RNLS: variants seen among roughly 807,000 people sequenced by gnomAD.
RNLS encodes renalase.
In RNLS, 39 loss-of-function variants were observed where a neutral mutation model predicts 39.8. The observed-to-expected ratio is 0.98, with a 90% CI of 0.76 to 1.28. RNLS has a LOEUF of 1.28. Among genes scored for constraint, RNLS ranks in the 50% most tolerant of loss-of-function variants. RNLS has a pLI of 0.00. For missense variants in RNLS, 410 were observed against 413.3 expected (o/e 0.99, Z 0.07); for synonymous variants, 147 against 150.7 (o/e 0.98, Z 0.18).
chr10:88,219,320 C>G, the RNLS span, among the ~76,000 whole-genome samples: 2 of 152,144 alleles, frequency 1.3e-5, no homozygotes, highest in Non-Finnish European at 2.9e-5. Flanking sequence ...GGTCAACATG[C>G]CCTTCCTACC....
the RNLS span, among the ~76,000 whole-genome samples, chr10:88,183,040 A>C: frequency 3.3e-5 from 5 of 152,272 alleles, no homozygotes; most frequent in East Asian, 9.6e-4. Flanking sequence ...TTCATCTTGC[A>C]AAGTATGCAT....
the RNLS span, among the ~76,000 whole-genome samples, chr10:88,255,578 G>C: frequency 6.6e-6 from 1 of 152,216 alleles, no homozygotes; most frequent in Non-Finnish European, 1.5e-5. Flanking sequence ...GAGGCTGTGA[G>C]CATTTGTACT....
chr10:88,349,465 T>A (rs981013326), intron 5 of RNLS, among the ~76,000 whole-genome samples: 1 of 152,102 alleles, frequency 6.6e-6, no homozygotes, highest in African/African-American at 2.4e-5. Context: ...AAAAGTCCCC[T>A]CCCCTTTATT....
At chr10:88,582,976 G>T in intron 1 of RNLS, 97 bp downstream of exon 1, 1 of 1,395,794 alleles carries the variant, frequency 7.2e-7, no homozygotes, top group Non-Finnish European at 9.7e-7. Flanking sequence ...AGGGTATAGC[G>T]TTTTCGCCTT....
At chr10:88,234,620 A>G in the RNLS span, among the ~76,000 whole-genome samples, 2 of 152,104 alleles carry the variant, frequency 1.3e-5, no homozygotes, top group African/African-American at 4.8e-5. Flanking sequence ...AACTCAACAC[A>G]TTTTTATTGA....
intron 4 of RNLS, among the ~76,000 whole-genome samples, chr10:88,498,987 T>C (rs2576170): frequency 0.28 from 42,734 of 152,044 alleles, 7,280 homozygotes; most frequent in East Asian, 0.46. Flanking sequence ...AAAGACATTT[T>C]GAGAGAAGTG....
At chr10:88,271,654 T>G (rs1306774481), downstream of RNLS, among the ~76,000 whole-genome samples, 2 of 152,226 alleles carry the variant, frequency 1.3e-5, no homozygotes, top group African/African-American at 4.8e-5. Context: ...TTGTCTTATG[T>G]GGGTTTGTTC....
the RNLS span, among the ~76,000 whole-genome samples, chr10:88,182,763 T>C: frequency 1.3e-5 from 2 of 152,144 alleles, no homozygotes; most frequent in African/African-American, 4.8e-5. Flanking sequence ...CAGAAACTTG[T>C]TCTTGACAAG....
chr10:88,496,709 G>T (rs756053127), intron 4 of RNLS, among the ~76,000 whole-genome samples: 1 of 152,078 alleles, frequency 6.6e-6, no homozygotes, highest in Non-Finnish European at 1.5e-5. Context: ...AGAGGAGAAG[G>T]GTTAAAGCTG....
chr10:88,337,843 G>A (rs1478911069), intron 5 of RNLS, among the ~76,000 whole-genome samples: 2 of 151,992 alleles, frequency 1.3e-5, no homozygotes, highest in Non-Finnish European at 2.9e-5. Context: ...CTTTAGTACT[G>A]TGTCTGGCAT....
At chr10:88,198,338 C>T in the RNLS span, among the ~76,000 whole-genome samples, 3 of 152,284 alleles carry the variant, frequency 2.0e-5, no homozygotes, top group Admixed American at 1.3e-4. Context: ...TTCTTTTGAT[C>T]AGGGTAGACC....
intron 4 of RNLS, among the ~76,000 whole-genome samples, chr10:88,506,477 G>A (rs1470785339): frequency 6.6e-6 from 1 of 151,742 alleles, no homozygotes; most frequent in Non-Finnish European, 1.5e-5. Flanking sequence ...GGAATAAAAT[G>A]TCTTAATATC....
At chr10:88,476,999 C>T (rs753653713) in intron 4 of RNLS, among the ~76,000 whole-genome samples, 1 of 144,824 alleles carries the variant, frequency 6.9e-6, no homozygotes, top group South Asian at 2.4e-4. Context: ...AGTAAGAAAG[C>T]GATAATAGTG....
At chr10:88,307,492 G>A (rs767273503) in intron 6 of RNLS, among the ~76,000 whole-genome samples, 18 of 152,214 alleles carry the variant, frequency 1.2e-4, no homozygotes, top group African/African-American at 3.9e-4. Context: ...CAAAATCAAC[G>A]TGCAAAAATC....
the RNLS span, among the ~76,000 whole-genome samples, chr10:88,189,920 A>C: frequency 1.3e-5 from 2 of 152,192 alleles, no homozygotes; most frequent in Non-Finnish European, 2.9e-5. Context: ...AGCATATTTA[A>C]AATACTGACT....
chr10:88,535,684 C>T (rs1847715172), intron 4 of RNLS, among the ~76,000 whole-genome samples: 2 of 152,090 alleles, frequency 1.3e-5, no homozygotes, highest in South Asian at 2.1e-4. Flanking sequence ...AAGTTTGGGT[C>T]AGGGGAAATA....
chr10:88,338,035 A>G (rs994054721), intron 5 of RNLS, among the ~76,000 whole-genome samples: 1 of 152,158 alleles, frequency 6.6e-6, no homozygotes, highest in African/African-American at 2.4e-5. Context: ...CTGGGCCTCA[A>G]TTTCTTCATA....
intron 4 of RNLS, among the ~76,000 whole-genome samples, chr10:88,423,841 G>A (rs1589767733): frequency 6.6e-6 from 1 of 152,106 alleles, no homozygotes; most frequent in Admixed American, 6.5e-5. Context: ...CCCTTCCCCT[G>A]GAAATACTCT....
chr10:88,447,005 A>G (rs1038396552), intron 4 of RNLS, among the ~76,000 whole-genome samples: 1 of 152,254 alleles, frequency 6.6e-6, no homozygotes, highest in Non-Finnish European at 1.5e-5. Context: ...TATTGATGGG[A>G]TGTATCTCAA....
Sources: allele counts gnomAD v4.1 joint callset (sites outside exome capture counted in the v4.1 genomes callset), GRCh38; gene constraint gnomAD v4.1.1; transcripts MANE v1.5; gene names NCBI Gene and HGNC (gene_info 2026-07-23, HGNC 2026-07-21).